PHC3: variants seen among roughly 807,000 people sequenced by gnomAD.
PHC3 encodes polyhomeotic-like protein 3.
Under a neutral mutation model 107.4 loss-of-function variants are expected in PHC3, and 13 were observed. That is an observed-to-expected ratio of 0.12 (90% confidence interval 0.08 to 0.19). The LOEUF is 0.19. Ranked by LOEUF, PHC3 falls within the 10% of genes least tolerant of loss-of-function variation. The probability of loss-of-function intolerance (pLI) is 1.00; values close to 1 mark genes in which losing one functional copy is unlikely to be tolerated. For missense variants in PHC3, 992 were observed against 1,210.9 expected, an observed-to-expected ratio of 0.82 and a Z score of 2.68; for synonymous variants, 456 against 427.4, an observed-to-expected ratio of 1.07 and a Z score of -0.83.
chr3:170,128,990 G>C lies in PHC3; in HGVS notation c.1482C>G (p.Val494=), dbSNP rs779032433. The C allele has an allele frequency of 4.3e-6, 7 of 1,613,962 alleles. No individual in the cohort carries two copies. In the South Asian group the frequency reaches 6.6e-5, roughly 15 times the overall value. The part of the protein sequence containing the change: ...SALVSPGQQI[V]SPSHQQYSSL... Reference sequence around the variant, plus strand: ...ATGAATATTGCTGGTGTGATGGAGAGACAATCTGCTGGCCTGGGGATACCA... The same window carrying C: ...ATGAATATTGCTGGTGTGATGGAGACACAATCTGCTGGCCTGGGGATACCA... The change falls in exon 8 of 15, where the codon GTC becomes GTG. Residue 494 remains valine (V), a synonymous_variant. Coordinates refer to ENST00000495893, the MANE Select transcript of PHC3 (RefSeq NM_024947.4).
At chr3:170,140,584 C>CTTTTTTTTTTTT (rs57137783) in intron 6 of PHC3, among the ~76,000 whole-genome samples, 7 of 69,590 alleles carry the variant, frequency 1.0e-4, no homozygotes, top group Admixed American at 1.9e-4. Context: ...ATTTCTTTTT[C>CTTTTTTTTTTTT]TTTTTTTTTT....
chr3:170,152,337 A>ATTTTTTTTTT (rs1220193435), intron 4 of PHC3, among the ~76,000 whole-genome samples: 111 of 122,136 alleles, frequency 9.1e-4, no homozygotes, highest in Admixed American at 2.3e-3. Context: ...CGCCTGGCTA[A>ATTTTTTTTTT]TTTTTTTTTT....
chr3:170,125,041 T>C (rs992105726), intron 8 of PHC3, among the ~76,000 whole-genome samples: 3 of 152,174 alleles, frequency 2.0e-5, no homozygotes, highest in African/African-American at 7.2e-5. Context: ...TTATACCAAA[T>C]ATAAAATTCA....
At chr3:170,124,084 G>A (rs995012026) in intron 8 of PHC3, among the ~76,000 whole-genome samples, 1 of 151,978 alleles carries the variant, frequency 6.6e-6, no homozygotes, top group Non-Finnish European at 1.5e-5. Flanking sequence ...TCTTGACCTC[G>A]TGATCCACCT....
At chr3:170,168,480 CCACGGCCGGG>C (rs2108731457) in intron 4 of PHC3, among the ~76,000 whole-genome samples, 1 of 152,210 alleles carries the variant, frequency 6.6e-6, no homozygotes, top group South Asian at 2.1e-4. Context: ...AATCACCACT[CCACGGCCGGG>C]CACGGTGGCT....
At chr3:170,181,266 G>A (rs1003516931) in intron 1 of PHC3, among the ~76,000 whole-genome samples, 2 of 152,182 alleles carry the variant, frequency 1.3e-5, no homozygotes, top group African/African-American at 4.8e-5. Context: ...GGGGCGGGAA[G>A]GAGAAGAAGG....
At chr3:170,135,849 A>G (rs1722984756) in intron 7 of PHC3, among the ~76,000 whole-genome samples, 1 of 152,214 alleles carries the variant, frequency 6.6e-6, no homozygotes. Context: ...TATGAGAACC[A>G]TGAGGCAAGA....
intron 8 of PHC3, 197 bp downstream of exon 8, chr3:170,128,487 G>A (rs944353316): frequency 4.5e-4 from 507 of 1,137,708 alleles, no homozygotes; most frequent in Non-Finnish European, 4.8e-4. Flanking sequence ...AAATTATAAA[G>A]CATGCAACCA....
chr3:170,169,436 T>G (rs1297107669), intron 4 of PHC3, among the ~76,000 whole-genome samples: 1 of 152,226 alleles, frequency 6.6e-6, no homozygotes, highest in African/African-American at 2.4e-5. Flanking sequence ...TTTACTAAGT[T>G]ACCTTGGGCA....
At chr3:170,158,293 G>A (rs754129779) in intron 4 of PHC3, among the ~76,000 whole-genome samples, 2 of 152,060 alleles carry the variant, frequency 1.3e-5, no homozygotes, top group African/African-American at 2.4e-5. Flanking sequence ...TACTCAATGC[G>A]GGCCAGGCAT....
At chr3:170,127,961 A>G (rs1418339805) in intron 8 of PHC3, among the ~76,000 whole-genome samples, 1 of 152,196 alleles carries the variant, frequency 6.6e-6, no homozygotes, top group East Asian at 1.9e-4. Flanking sequence ...TTACTCCTCT[A>G]AATGGATTTT....
intron 11 of PHC3, among the ~76,000 whole-genome samples, chr3:170,109,474 C>G (rs1034245394): frequency 6.6e-6 from 1 of 152,104 alleles, no homozygotes; most frequent in East Asian, 1.9e-4. Flanking sequence ...AAGGAACTAC[C>G]ACATAAGCCC....
At position 170,089,267 on chromosome 3, in the gene PHC3, A is replaced by T. The variant is rs969380929; in HGVS notation, c.*7963T>A. On this transcript the variant is annotated 3_prime_UTR_variant, in exon 15 of 15. Transcript: ENST00000495893. The stretch of plus-strand genomic sequence containing the variant: ...AATGTCAGTATCAACTGATGTTAAC[A>T]AGTAAAGCTTTGTCAACAGGAATTA... The T allele has an allele frequency of 1.3e-5, 2 of 152,234 alleles. No homozygotes were observed. The highest frequency in any genetic ancestry group is 4.8e-5 in the African/African-American group (2 of 41,474). The allele number at this position is 152,234 out of a possible 1,614,324, so 9.4% of individuals were successfully genotyped here.
In PHC3 at chr3:170,126,504, GTATA is replaced by G. The variant is rs1174515889; in HGVS notation, c.1788+2176_1788+2179del. On this transcript the variant is annotated intron_variant, in intron 8 of 14. Coordinates refer to ENST00000495893, the MANE Select transcript of PHC3 (RefSeq NM_024947.4). Reference sequence around the variant, plus strand: ...GTTTTCAAAGTATTATGCTCCATATGTATATATATATATATATATATATATTTTT... The same window carrying G: ...GTTTTCAAAGTATTATGCTCCATATGTATATATATATATATATATATTTTT... Among the ~76,000 whole-genome samples, 234 of 117,296 alleles carry G rather than the reference GTATA, an allele frequency of 2.0e-3. 3 individuals are homozygous for G. Among genetic ancestry groups the G allele is most frequent in the African/African-American group, 7.4e-3 (215 of 28,968 alleles). The allele number at this position is 117,296 out of a possible 152,430, so 77.0% of individuals were successfully genotyped here.
intron 8 of PHC3, among the ~76,000 whole-genome samples, chr3:170,123,645 T>C (rs527577975): frequency 2.8e-4 from 43 of 151,400 alleles, no homozygotes; most frequent in African/African-American, 1.0e-3. Context: ...TACAAAAAAT[T>C]AGCCAGGCAT....
intron 4 of PHC3, among the ~76,000 whole-genome samples, 172 bp from the exon 5 acceptor site, chr3:170,149,416 C>T (rs1256414479): frequency 6.6e-6 from 1 of 152,018 alleles, no homozygotes; most frequent in Admixed American, 6.6e-5. Context: ...GTTATTTGCA[C>T]ATATGCAAAC....
rs1714847644 is a variant in PHC3, at chr3:170,097,935, CA to C, written c.2834-552del. Reference sequence around the variant, plus strand: ...AAATATTTTTATTGTTCACTCGGGACATATCAAATTTCTCAAGACTGTATTA... The same window carrying C: ...AAATATTTTTATTGTTCACTCGGGACTATCAAATTTCTCAAGACTGTATTA... On this transcript the variant is annotated intron_variant, in intron 14 of 14. Transcript: ENST00000495893. The surrounding 1 kb of genome is among the most constrained non-coding windows in gnomAD (Gnocchi z 4.1). Among the ~76,000 whole-genome samples, 1 of 152,148 alleles carries C rather than the reference CA, an allele frequency of 6.6e-6. No individual in the cohort carries two copies. The highest frequency in any genetic ancestry group is 6.6e-5 in the Admixed American group (1 of 15,266).
Position 170,149,175 on chromosome 3 carries a change from C to T in PHC3, c.484G>A (p.Gly162Ser), listed in dbSNP as rs1725488265. ...SRSQASSSTS[G>S]SITQQTMLLG... Reference sequence around the variant, plus strand: ...AACATAGTCTGTTGGGTAATACTGCCGCTGGTAGAACTGGAAGCCTGGGAA... The same window carrying T: ...AACATAGTCTGTTGGGTAATACTGCTGCTGGTAGAACTGGAAGCCTGGGAA... Residue 162 changes from glycine (G) to serine (S), a missense_variant, in exon 5 of 15, where the codon GGC becomes AGC. Transcript: ENST00000495893. The T allele has an allele frequency of 3.7e-6, 6 of 1,613,026 alleles. No homozygotes were observed. Among genetic ancestry groups the T allele is most frequent in the Admixed American group, 3.3e-5 (2 of 59,932 alleles).
chr3:170,135,809 G>A (rs1047717836), intron 7 of PHC3, among the ~76,000 whole-genome samples: 4 of 152,106 alleles, frequency 2.6e-5, no homozygotes, highest in African/African-American at 9.7e-5. Flanking sequence ...GAGACAGTAA[G>A]CTCACTCTGG....
Sources: allele counts gnomAD v4.1 joint callset (sites outside exome capture counted in the v4.1 genomes callset), GRCh38; gene constraint gnomAD v4.1.1; non-coding constraint Gnocchi (gnomAD v3.1); transcripts MANE v1.5; gene names NCBI Gene and HGNC (gene_info 2026-07-23, HGNC 2026-07-21).